MARCHF1: variants seen among roughly 807,000 people sequenced by gnomAD.
The protein encoded by MARCHF1 is E3 ubiquitin-protein ligase MARCHF1.
Under a neutral mutation model 54.2 loss-of-function variants are expected in MARCHF1, and 40 were observed. That is an observed-to-expected ratio of 0.74 (90% CI 0.57 to 0.96). The LOEUF (loss-of-function observed/expected upper bound fraction) is 0.96. Ranked by LOEUF, MARCHF1 falls within the 40% of genes least tolerant of loss-of-function variation. MARCHF1 has a pLI of 0.00. For missense variants in MARCHF1, 586 were observed against 656.5 expected (o/e 0.89, Z 1.17); for synonymous variants, 236 against 236.3 (o/e 1.00, Z 0.01).
chr4:164,376,585 G>A (rs1049207770), intron 1 of MARCHF1, among the ~76,000 whole-genome samples: 3 of 152,134 alleles, frequency 2.0e-5, no homozygotes, highest in Middle Eastern at 3.2e-3. Context: ...TTCCATGGCC[G>A]GTTGAGGCTC....
chr4:164,005,993 C>T lies in MARCHF1; in HGVS notation c.-247-17284G>A, dbSNP rs1753278351. Reference sequence around the variant, plus strand: ...CATATCCAATGAAAACCAAAACAAGCTAATAATAGAAAACTAGAATAAATT... The same window carrying T: ...CATATCCAATGAAAACCAAAACAAGTTAATAATAGAAAACTAGAATAAATT... On this transcript the variant is annotated intron_variant, in intron 2 of 9. Coordinates refer to ENST00000514618, the MANE Select transcript of MARCHF1 (RefSeq NM_001394959.1). Among the ~76,000 whole-genome samples, 3 of 151,960 alleles carry T rather than the reference C, an allele frequency of 2.0e-5. No individual in the cohort carries two copies. In the South Asian group the frequency reaches 6.2e-4, roughly 32 times the overall value.
intron 1 of MARCHF1, among the ~76,000 whole-genome samples, chr4:164,292,192 AGATTT>A (rs1734298698): frequency 2.6e-5 from 4 of 152,190 alleles, no homozygotes; most frequent in African/African-American, 9.6e-5. Flanking sequence ...GGGCTCTTTT[AGATTT>A]ATTTATACAT....
At chr4:164,337,381 C>T (rs980380013) in intron 1 of MARCHF1, among the ~76,000 whole-genome samples, 2 of 152,206 alleles carry the variant, frequency 1.3e-5, no homozygotes, top group Non-Finnish European at 2.9e-5. Context: ...TGGCTCAATG[C>T]CAAGAGAACC....
intron 1 of MARCHF1, among the ~76,000 whole-genome samples, chr4:164,355,793 C>A (rs1730507066): frequency 9.5e-6 from 1 of 105,686 alleles, no homozygotes; most frequent in Admixed American, 1.0e-4. Context: ...AGAGCTTCTG[C>A]ACAGCAAAAG....
intron 1 of MARCHF1, among the ~76,000 whole-genome samples, chr4:164,168,858 T>A (rs1283754733): frequency 6.6e-6 from 1 of 152,052 alleles, no homozygotes; most frequent in Non-Finnish European, 1.5e-5. Context: ...TATGACATCT[T>A]TTTTATGTTA....
chr4:164,217,004 G>A lies in MARCHF1; in HGVS notation c.-322-105342C>T, dbSNP rs1430981. Among the ~76,000 whole-genome samples the A allele has an allele frequency of 4.9e-3, 740 of 152,162 alleles. 6 individuals carry two copies. Among genetic ancestry groups the A allele is most frequent in the African/African-American group, 0.012 (514 of 41,506 alleles). ...AACCAATAGCATGAAAACAAATATAGCTGGAGTACAAATGTAGAATTAGAA... is the reference window on the plus strand; with the variant it reads ...AACCAATAGCATGAAAACAAATATAACTGGAGTACAAATGTAGAATTAGAA... On this transcript the variant is annotated intron_variant, in intron 1 of 9. Transcript: ENST00000514618.
chr4:163,957,522 C>CA (rs1345077706), intron 3 of MARCHF1, among the ~76,000 whole-genome samples: 1 of 151,732 alleles, frequency 6.6e-6, no homozygotes, highest in Non-Finnish European at 1.5e-5. Context: ...TTTTAGTCCC[C>CA]AAAAAAGTAA....
chr4:163,977,972 C>T (rs1752681708), intron 3 of MARCHF1, among the ~76,000 whole-genome samples: 5 of 152,012 alleles, frequency 3.3e-5, no homozygotes, highest in African/African-American at 1.2e-4. Flanking sequence ...AAAATAGTTA[C>T]CAAAATAACA....
intron 1 of MARCHF1, among the ~76,000 whole-genome samples, chr4:164,266,902 T>C (rs1733624565): frequency 6.6e-6 from 1 of 152,170 alleles, no homozygotes; most frequent in African/African-American, 2.4e-5. Flanking sequence ...AAATACTAAT[T>C]CAACTCATCA....
intron 2 of MARCHF1, among the ~76,000 whole-genome samples, chr4:164,038,362 C>T (rs189653997): frequency 6.6e-4 from 101 of 152,072 alleles, no homozygotes; most frequent in African/African-American, 2.2e-3. Flanking sequence ...GGCGTGGTGG[C>T]GGCACCTGTA....
In MARCHF1 at chr4:163,526,683, T is replaced by TATTTA. The variant is rs1738117038; in HGVS notation, c.*2060_*2064dup. The TATTTA allele has an allele frequency of 6.6e-6, 1 of 152,064 alleles. No homozygotes were observed. The allele number at this position is 152,064 out of a possible 1,614,324, so 9.4% of individuals were successfully genotyped here. A position where few individuals can be genotyped will look rare whatever the true frequency, so the allele number is the denominator to read the frequency against. ...TTAAAACGTTAATTACTTATATCCT[T>TATTTA]ATTTATACAGAATTTTTGGTTCAGT... On this transcript the variant is annotated 3_prime_UTR_variant, in exon 10 of 10. Coordinates refer to ENST00000514618, the MANE Select transcript of MARCHF1 (RefSeq NM_001394959.1).
chr4:163,868,180 G>A (rs1750096033), intron 3 of MARCHF1, among the ~76,000 whole-genome samples: 2 of 151,660 alleles, frequency 1.3e-5, no homozygotes, highest in African/African-American at 4.8e-5. Flanking sequence ...ACTCAATAAT[G>A]TTCAACATTC....
intron 3 of MARCHF1, among the ~76,000 whole-genome samples, chr4:163,855,249 T>G (rs1312729012): frequency 6.6e-6 from 1 of 152,092 alleles, no homozygotes; most frequent in Non-Finnish European, 1.5e-5. Flanking sequence ...TCTAAGATAC[T>G]CAACAGAATG....
intron 2 of MARCHF1, among the ~76,000 whole-genome samples, chr4:164,059,905 T>C (rs1334930936): frequency 6.6e-6 from 1 of 152,138 alleles, no homozygotes; most frequent in African/African-American, 2.4e-5. Flanking sequence ...GCAAACCATT[T>C]GTAGTTTGGG....
chr4:163,841,545 T>C (rs748658487), intron 4 of MARCHF1, among the ~76,000 whole-genome samples: 1 of 152,138 alleles, frequency 6.6e-6, no homozygotes, highest in African/African-American at 2.4e-5. Context: ...GCTTTCATAA[T>C]ACAGTTATGC....
intron 1 of MARCHF1, among the ~76,000 whole-genome samples, chr4:164,382,771 A>C (rs1434096994): frequency 6.6e-6 from 1 of 152,226 alleles, no homozygotes; most frequent in Admixed American, 6.5e-5. Flanking sequence ...GGGTGTTGGC[A>C]TGTTGGCTAT....
At chr4:163,679,898 C>T (rs981820175) in intron 5 of MARCHF1, among the ~76,000 whole-genome samples, 1 of 152,022 alleles carries the variant, frequency 6.6e-6, no homozygotes, top group Non-Finnish European at 1.5e-5. Flanking sequence ...CCGCGCCCGG[C>T]CTTTATCTCC....
chr4:163,940,424 G>A (rs1751888877), intron 3 of MARCHF1, among the ~76,000 whole-genome samples: 2 of 152,012 alleles, frequency 1.3e-5, no homozygotes, highest in South Asian at 4.1e-4. Flanking sequence ...CCAAAAAGAG[G>A]CAGAAGATAT....
chr4:164,145,918 A>C (rs1451988758), intron 1 of MARCHF1, among the ~76,000 whole-genome samples: 29 of 102,006 alleles, frequency 2.8e-4, no homozygotes, highest in African/African-American at 9.2e-4. Flanking sequence ...TATATCTAGA[A>C]AACCCCATTG....
Sources: allele counts gnomAD v4.1 joint callset (sites outside exome capture counted in the v4.1 genomes callset), GRCh38; gene constraint gnomAD v4.1.1; transcripts MANE v1.5; gene names NCBI Gene and HGNC (gene_info 2026-07-23, HGNC 2026-07-21).